The following UGT2A3 variants were observed in gnomAD, a reference collection of about 807,000 sequenced individuals.
UGT2A3 encodes UDP glucuronosyltransferase family 2 member A3.
In UGT2A3, 55 loss-of-function variants were observed where a neutral mutation model predicts 44.1. The observed-to-expected ratio is 1.25, with a 90% confidence interval of 1.00 to 1.56. The LOEUF (loss-of-function observed/expected upper bound fraction) is 1.56. Among genes scored for constraint, UGT2A3 ranks in the 40% most tolerant of loss-of-function variants. The pLI is 0.00. For missense variants in UGT2A3, 733 were observed against 621.6 expected, an observed-to-expected ratio of 1.18 and a Z score of -1.91; for synonymous variants, 243 against 215.1, an observed-to-expected ratio of 1.13 and a Z score of -1.13.
rs1717645777 is a variant in UGT2A3 at position 68,929,683 on chromosome 4, A to G, written c.*130T>C. The stretch of plus-strand genomic sequence containing the variant: ...TATACTCACAACCTCATGATCGTGG[A>G]ATTCTAGGCTATATAGCTAAGATAA... On this transcript the variant is annotated 3_prime_UTR_variant, in exon 6 of 6. Transcript: ENST00000251566. 2.4e-6 allele frequency: 2 copies of G among 847,506 alleles called. No homozygotes were observed. Among genetic ancestry groups the G allele is most frequent in the Non-Finnish European group, 3.6e-6 (2 of 550,530 alleles). 52.5% of individuals were successfully genotyped at this position (847,506 alleles called of 1,614,324 possible).
Position 68,936,390 on chromosome 4 carries a change from G to C in UGT2A3, c.865-3631C>G, listed in dbSNP as rs1170235207. Among the ~76,000 whole-genome samples, 3 of 152,236 alleles carry C rather than the reference G, an allele frequency of 2.0e-5. No homozygotes were observed. In the South Asian group the frequency reaches 6.2e-4, roughly 32 times the overall value. On this transcript the variant is annotated intron_variant, in intron 2 of 5. Coordinates refer to ENST00000251566, the MANE Select transcript of UGT2A3 (RefSeq NM_024743.4). Reference sequence around the variant, plus strand: ...TCAGCAAACCCTACAAGCCAGAAGAGAGTGGGGGCCAATATTCAACATTCT... The same window carrying C: ...TCAGCAAACCCTACAAGCCAGAAGACAGTGGGGGCCAATATTCAACATTCT...
chr4:68,935,658 C>T (rs1717923739), intron 2 of UGT2A3, among the ~76,000 whole-genome samples: 1 of 151,964 alleles, frequency 6.6e-6, no homozygotes, highest in Admixed American at 6.6e-5. Context: ...ACTACTCCTC[C>T]AAAGGATTGC....
At chr4:68,950,965 A>G (rs1718560444) in intron 1 of UGT2A3, 81 bp downstream of exon 1, 2 of 983,232 alleles carry the variant, frequency 2.0e-6, no homozygotes, top group Admixed American at 6.7e-5. Flanking sequence ...ACCTGCATAT[A>G]TATGTCATAG....
chr4:68,948,233 AC>A (rs1472472552), intron 1 of UGT2A3, among the ~76,000 whole-genome samples: 1 of 151,678 alleles, frequency 6.6e-6, no homozygotes, highest in Admixed American at 6.6e-5. Flanking sequence ...TTCACATTGA[AC>A]TTTTGCATCA....
In UGT2A3 at chr4:68,929,952, G is replaced by A. The variant is rs144454074; in HGVS notation, c.1445C>T (p.Thr482Ile). The change falls in exon 6 of 6, where the codon ACC (threonine) becomes ATC (isoleucine). Residue 482 changes from threonine (T) to isoleucine (I), a missense_variant. By Grantham distance (89) the Thr-to-Ile change is moderately conservative. Transcript: ENST00000251566. ...ATCTATAGAGTAGTGCTGGAACCAG[G>A]TGAGGTCATGGGCAGCTGATCGCAG... ...KHLRSAAHDL[T>I]WFQHYSIDVI... The A allele has an allele frequency of 2.8e-3, 4,475 of 1,613,638 alleles. 12 individuals carry two copies. The highest frequency in any genetic ancestry group is 4.3e-3 in the Middle Eastern group (26 of 6,048).
At chr4:68,943,476 G>C in intron 2 of UGT2A3, 1 of 392,684 alleles carries the variant, frequency 2.5e-6, no homozygotes, top group Non-Finnish European at 4.0e-6. Flanking sequence ...AATCCTACTG[G>C]CTCTGAAACC....
chr4:68,943,685 G>A (rs1351661984), intron 2 of UGT2A3, among the ~76,000 whole-genome samples: 4 of 151,664 alleles, frequency 2.6e-5, no homozygotes, highest in Non-Finnish European at 4.4e-5. Context: ...CACTGACACC[G>A]TTTAAAATCT....
chr4:68,932,117 A>G (rs1717758592), intron 3 of UGT2A3, among the ~76,000 whole-genome samples: 1 of 151,894 alleles, frequency 6.6e-6, no homozygotes, highest in South Asian at 2.1e-4. Flanking sequence ...TACTTAAATA[A>G]TTGTTACTAT....
At chr4:68,948,595 G>T (rs1382753891) in intron 1 of UGT2A3, among the ~76,000 whole-genome samples, 1 of 151,340 alleles carries the variant, frequency 6.6e-6, no homozygotes. Context: ...TTACAGATAT[G>T]AATCACTGCA....
intron 2 of UGT2A3, among the ~76,000 whole-genome samples, chr4:68,939,074 C>A (rs1196359101): frequency 1.3e-5 from 2 of 152,126 alleles, no homozygotes; most frequent in African/African-American, 4.8e-5. Flanking sequence ...GAAGAACATT[C>A]CATGCTCATG....
rs1717725890 is a variant in UGT2A3 at position 68,931,249 on chromosome 4, A to G, written c.997-7T>C. The G allele has an allele frequency of 6.2e-7, 1 of 1,607,908 alleles. No individual in the cohort carries two copies. Among genetic ancestry groups the G allele is most frequent in the Non-Finnish European group, 8.5e-7 (1 of 1,175,186 alleles). On this transcript the variant is annotated splice_polypyrimidine_tract_variant and splice_region_variant and intron_variant, in intron 3 of 5. Coordinates refer to ENST00000251566, the MANE Select transcript of UGT2A3 (RefSeq NM_024743.4). The stretch of plus-strand genomic sequence containing the variant: ...CTTTGTACCTCCATAACACCTACGG[A>G]AGAAACACATGTATTTCACAGAGTG...
Position 68,936,660 on chromosome 4 carries a change from G to A in UGT2A3, c.865-3901C>T, listed in dbSNP as rs549181536. On this transcript the variant is annotated intron_variant, in intron 2 of 5. Coordinates refer to ENST00000251566, the MANE Select transcript of UGT2A3 (RefSeq NM_024743.4). ...ATGAAGAAACTGCTTCAATTAATGAGCAAAATAATCAGCTAACATCACAAT... is the reference window on the plus strand; with the variant it reads ...ATGAAGAAACTGCTTCAATTAATGAACAAAATAATCAGCTAACATCACAAT... 9.9e-5 allele frequency among the ~76,000 whole-genome samples: 15 copies of A among 151,906 alleles called. No individual in the cohort carries two copies. In the East Asian group the frequency reaches 2.5e-3, roughly 26 times the overall value.
At chr4:68,950,589 T>C (rs1375906616) in intron 1 of UGT2A3, among the ~76,000 whole-genome samples, 1 of 151,878 alleles carries the variant, frequency 6.6e-6, no homozygotes, top group Non-Finnish European at 1.5e-5. Context: ...TTTTTTCAAG[T>C]TTTTGTGAAG....
intron 3 of UGT2A3, among the ~76,000 whole-genome samples, chr4:68,931,680 T>C (rs1375185401): frequency 6.6e-6 from 1 of 152,000 alleles, no homozygotes; most frequent in East Asian, 1.9e-4. Flanking sequence ...GTCTTTTGGA[T>C]AATCAGGTGT....
chr4:68,951,051 G>T lies in UGT2A3; in HGVS notation c.710C>A (p.Ala237Glu). 1 of 1,558,792 alleles carries T rather than the reference G, an allele frequency of 6.4e-7. No homozygotes were observed. Among genetic ancestry groups the T allele is most frequent in the Non-Finnish European group, 8.6e-7 (1 of 1,156,434 alleles). ...ATAAAACAAAAGTGTCTTACCTAAT[G>T]CCTTACTATAAAACTCTTCCCAAAA... ...YHFWEEFYSK[A>E]LGRPTTLCET... The change falls in exon 1 of 6, where the codon GCA (alanine) becomes GAA (glutamate). Residue 237 changes from alanine (A) to glutamate (E), a missense_variant. Physicochemically the swap from Ala to Glu is moderately radical, Grantham distance 107. Coordinates refer to ENST00000251566, the MANE Select transcript of UGT2A3 (RefSeq NM_024743.4).
intron 2 of UGT2A3, among the ~76,000 whole-genome samples, chr4:68,938,684 C>T (rs1333868264): frequency 6.6e-6 from 1 of 152,068 alleles, no homozygotes; most frequent in East Asian, 1.9e-4. Flanking sequence ...TTCAACACAG[C>T]ATTGGAAGCT....
chr4:68,939,539 A>G (rs886291702), intron 2 of UGT2A3, among the ~76,000 whole-genome samples: 1 of 152,182 alleles, frequency 6.6e-6, no homozygotes, highest in Non-Finnish European at 1.5e-5. Context: ...CTTATACAAA[A>G]ATTAATTTAA....
chr4:68,945,205 A>T (rs10000598), intron 2 of UGT2A3, 101 bp downstream of exon 2: 16,773 of 1,383,210 alleles, frequency 0.012, 449 homozygotes, highest in East Asian at 0.084. Context: ...TGCAAACAGA[A>T]GACATTCAAC....
chr4:68,938,991 G>A (rs954656493), intron 2 of UGT2A3, among the ~76,000 whole-genome samples: 1 of 152,042 alleles, frequency 6.6e-6, no homozygotes, highest in African/African-American at 2.4e-5. Context: ...CAACTTACAA[G>A]GGATGTGAAA....
Sources: allele counts gnomAD v4.1 joint callset (sites outside exome capture counted in the v4.1 genomes callset), GRCh38; gene constraint gnomAD v4.1.1; transcripts MANE v1.5; gene names NCBI Gene and HGNC (gene_info 2026-07-23, HGNC 2026-07-21).